Variants in EYA2 observed in about 807,000 individuals in gnomAD.
EYA2 encodes the protein protein phosphatase EYA2.
In EYA2, 31 loss-of-function variants were observed where a neutral mutation model predicts 69.2. The observed-to-expected ratio is 0.45, with a 90% CI of 0.34 to 0.60. The LOEUF (loss-of-function observed/expected upper bound fraction) is 0.60, where lower values mean the gene tolerates loss of function less well. Among genes scored for constraint, EYA2 ranks in the 20% least tolerant of loss-of-function variants. The pLI, the probability that EYA2 is intolerant of heterozygous loss-of-function variation, is 0.02. For missense variants in EYA2, 622 were observed against 701.2 expected (o/e 0.89, Z 1.28); for synonymous variants, 257 against 279.4 (o/e 0.92, Z 0.80).
At chr20:46,896,753 G>A (rs1983831278) in intron 1 of EYA2, among the ~76,000 whole-genome samples, 1 of 152,174 alleles carries the variant, frequency 6.6e-6, no homozygotes, top group African/African-American at 2.4e-5. Flanking sequence ...GTGGTTAGAT[G>A]CAAAAGAGCC....
At chr20:47,132,790 C>G (rs1215253715) in intron 9 of EYA2, among the ~76,000 whole-genome samples, 1 of 152,226 alleles carries the variant, frequency 6.6e-6, no homozygotes, top group East Asian at 1.9e-4. Context: ...GGAGAGGTTA[C>G]TCTTTTCAGA....
chr20:46,993,292 G>T (rs114658670), intron 2 of EYA2, among the ~76,000 whole-genome samples: 1,880 of 152,260 alleles, frequency 0.012, 34 homozygotes, highest in African/African-American at 0.042. Context: ...TGGCCACCAG[G>T]CCCCACTTGT....
intron 1 of EYA2, among the ~76,000 whole-genome samples, chr20:46,927,704 G>T (rs141817169): frequency 2.0e-5 from 3 of 152,172 alleles, no homozygotes; most frequent in Admixed American, 6.5e-5. Context: ...CCTACAACAC[G>T]TGGGAATTAT....
At chr20:47,131,647 T>G (rs2146578521) in intron 9 of EYA2, among the ~76,000 whole-genome samples, 1 of 152,164 alleles carries the variant, frequency 6.6e-6, no homozygotes, top group Non-Finnish European at 1.5e-5. Flanking sequence ...AGAAGCAAGA[T>G]ATTGGAGTGA....
At chr20:47,169,082 A>C in intron 10 of EYA2, 57 bp from the exon 11 acceptor site, 1 of 1,542,490 alleles carries the variant, frequency 6.5e-7, no homozygotes, top group Non-Finnish European at 8.9e-7. Flanking sequence ...TGAAGGCTAC[A>C]TCAGATTAAC....
chr20:46,931,628 G>T (rs1407715634), intron 1 of EYA2, among the ~76,000 whole-genome samples: 1 of 152,178 alleles, frequency 6.6e-6, no homozygotes, highest in Non-Finnish European at 1.5e-5. Flanking sequence ...ATTCTTACGA[G>T]CAAGTTTTTA....
intron 1 of EYA2, among the ~76,000 whole-genome samples, chr20:46,940,231 A>G (rs1174562074): frequency 1.3e-5 from 2 of 152,210 alleles, no homozygotes; most frequent in Non-Finnish European, 2.9e-5. Flanking sequence ...AGAACAGCTG[A>G]GATGTATTGA....
At chr20:47,150,322 A>G (rs1217625933) in intron 10 of EYA2, among the ~76,000 whole-genome samples, 1 of 152,152 alleles carries the variant, frequency 6.6e-6, no homozygotes, top group Admixed American at 6.5e-5. Context: ...CCTGCTGTCT[A>G]TGAATTAGGA....
intron 1 of EYA2, among the ~76,000 whole-genome samples, chr20:46,905,356 CACAA>C (rs1984302228): frequency 6.6e-6 from 1 of 152,176 alleles, no homozygotes; most frequent in Non-Finnish European, 1.5e-5. Flanking sequence ...GGAACAAGGT[CACAA>C]ACAATCATGG....
chr20:46,989,110 C>T (rs189343168), intron 1 of EYA2, among the ~76,000 whole-genome samples: 132 of 152,132 alleles, frequency 8.7e-4, no homozygotes, highest in Non-Finnish European at 7.4e-4. Context: ...CTCCCCTGCC[C>T]GCCCCCCATA....
chr20:47,124,363 G>A (rs2033125879), intron 9 of EYA2, among the ~76,000 whole-genome samples: 1 of 152,184 alleles, frequency 6.6e-6, no homozygotes, highest in Non-Finnish European at 1.5e-5. Context: ...TATGTCAAGG[G>A]TGTGCTATAC....
intron 9 of EYA2, among the ~76,000 whole-genome samples, chr20:47,112,830 A>G (rs1482614434): frequency 6.7e-6 from 1 of 148,932 alleles, no homozygotes; most frequent in East Asian, 2.0e-4. Flanking sequence ...GAAGCAGGGA[A>G]TGGCTCCAAA....
At chr20:47,013,761 CT>C (rs929492849) in intron 4 of EYA2, among the ~76,000 whole-genome samples, 1 of 152,198 alleles carries the variant, frequency 6.6e-6, no homozygotes, top group African/African-American at 2.4e-5. Flanking sequence ...TTAGATTTTA[CT>C]TTAGGTGCAC....
At chr20:46,972,827 T>C (rs1006566813) in intron 1 of EYA2, among the ~76,000 whole-genome samples, 2 of 152,056 alleles carry the variant, frequency 1.3e-5, no homozygotes, top group African/African-American at 4.8e-5. Context: ...TGGTTGGGAG[T>C]GTGCAATGAG....
chr20:47,162,603 G>A (rs750551893), intron 10 of EYA2, among the ~76,000 whole-genome samples: 22 of 137,932 alleles, frequency 1.6e-4, no homozygotes, highest in Non-Finnish European at 2.9e-4. Context: ...CTCCAGCCTC[G>A]ACCTCCCCAG....
At chr20:47,165,870 C>T (rs960248425) in intron 10 of EYA2, among the ~76,000 whole-genome samples, 1 of 152,058 alleles carries the variant, frequency 6.6e-6, no homozygotes, top group African/African-American at 2.4e-5. Flanking sequence ...TCTTGCCTCC[C>T]TAAACATCAC....
rs996311971 is a variant in EYA2, at chr20:47,082,651, A to G, written c.662-6588A>G. On this transcript the variant is annotated intron_variant, in intron 7 of 15. Coordinates refer to ENST00000327619, the MANE Select transcript of EYA2 (RefSeq NM_005244.5). ...TATTGTTAAAATGCCAGCTCTTCCC[A>G]AATTGAGCTATAAGATTAATACAAT... Among the ~76,000 whole-genome samples, 61 of 152,322 alleles carry G rather than the reference A, an allele frequency of 4.0e-4. 1 individual carries two copies. The highest frequency in any genetic ancestry group is 3.4e-3 in the Middle Eastern group (1 of 294).
intron 10 of EYA2, among the ~76,000 whole-genome samples, chr20:47,163,613 G>A (rs1295736242): frequency 1.4e-5 from 2 of 145,392 alleles, no homozygotes; most frequent in Non-Finnish European, 3.0e-5. Flanking sequence ...CAGGAGAATT[G>A]CTTGAACCTG....
intron 1 of EYA2, among the ~76,000 whole-genome samples, chr20:46,915,104 C>G (rs1373670249): frequency 6.6e-6 from 1 of 152,218 alleles, no homozygotes; most frequent in African/African-American, 2.4e-5. Flanking sequence ...CCCAAAGGAG[C>G]CACATCAGCC....
Sources: gnomAD v4.1 joint callset for allele counts (sites outside exome capture counted in the v4.1 genomes callset) on GRCh38, gnomAD v4.1.1 for gene constraint, MANE v1.5 for transcripts, NCBI Gene and HGNC (gene_info 2026-07-23, HGNC 2026-07-21) for gene names.